Variants in DYM observed in about 807,000 individuals in gnomAD.
The protein encoded by DYM is dyggve-Melchior-Clausen syndrome protein.
DYM carries 78 observed loss-of-function variants against 93.1 expected under a neutral mutation model. The observed-to-expected ratio is 0.84, with a 90% CI of 0.70 to 1.01. The LOEUF (loss-of-function observed/expected upper bound fraction) is 1.01, where lower values mean the gene tolerates loss of function less well. Among genes scored for constraint, DYM ranks in the 50% least tolerant of loss-of-function variants. The pLI is 0.00. For synonymous variants in DYM, 321 were observed against 319.7 expected, an observed-to-expected ratio of 1.00 and a Z score of -0.04; for missense variants, 789 against 845.0, an observed-to-expected ratio of 0.93 and a Z score of 0.82.
At chr18:49,349,746 A>G (rs375841685) in intron 6 of DYM, among the ~76,000 whole-genome samples, 1 of 152,202 alleles carries the variant, frequency 6.6e-6, no homozygotes, top group African/African-American at 2.4e-5. Context: ...GCTTGAGGCC[A>G]GAAGTTTGAG....
Position 49,046,518 on chromosome 18 carries a change from G to GAC in DYM, c.2026-2316_2026-2315dup, listed in dbSNP as rs201989423. ...AGACATACACAGACATGCACATACA[G>GAC]ACACACACACACCAGACACACAGAC... is the stretch of plus-strand genomic sequence containing the variant. On this transcript the variant is annotated intron_variant, in intron 17 of 17. Coordinates refer to ENST00000675505, the MANE Select transcript of DYM (RefSeq NM_001353214.3). 6.7e-3 allele frequency among the ~76,000 whole-genome samples: 978 copies of GAC among 146,920 alleles called. 10 individuals are homozygous for GAC. Among genetic ancestry groups the GAC allele is most frequent in the African/African-American group, 0.023 (914 of 39,710 alleles).
At chr18:49,180,561 C>A (rs932119583) in intron 14 of DYM, among the ~76,000 whole-genome samples, 1 of 152,090 alleles carries the variant, frequency 6.6e-6, no homozygotes, top group Non-Finnish European at 1.5e-5. Flanking sequence ...TTTAACCTTG[C>A]ACAATTTAAC....
At chr18:49,202,946 G>T (rs1267031591) in intron 14 of DYM, among the ~76,000 whole-genome samples, 1 of 131,892 alleles carries the variant, frequency 7.6e-6, no homozygotes, top group Non-Finnish European at 1.6e-5. Flanking sequence ...CCATCCGGGA[G>T]GGAGGTGAGG....
chr18:49,433,521 A>G (rs546196480), intron 1 of DYM, among the ~76,000 whole-genome samples: 2 of 152,198 alleles, frequency 1.3e-5, no homozygotes, highest in Non-Finnish European at 2.9e-5. Flanking sequence ...CATAATAGGT[A>G]GTGCTCAATA....
intron 6 of DYM, among the ~76,000 whole-genome samples, chr18:49,355,841 G>A (rs913627602): frequency 1.3e-5 from 2 of 152,012 alleles, no homozygotes; most frequent in East Asian, 3.9e-4. Context: ...CAAAATAATG[G>A]TATATTATTT....
At chr18:49,327,729 G>A (rs1346189862) in intron 8 of DYM, among the ~76,000 whole-genome samples, 3 of 152,204 alleles carry the variant, frequency 2.0e-5, no homozygotes, top group Non-Finnish European at 4.4e-5. Flanking sequence ...AATGAAATCA[G>A]GTATGTAAAG....
intron 8 of DYM, among the ~76,000 whole-genome samples, chr18:49,289,764 T>C (rs1279605320): frequency 4.7e-4 from 23 of 48,446 alleles, no homozygotes; most frequent in Admixed American, 2.1e-3. Context: ...TATATATATA[T>C]ATATATATAC....
intron 15 of DYM, among the ~76,000 whole-genome samples, chr18:49,129,709 C>T (rs1426686872): frequency 6.6e-6 from 1 of 152,166 alleles, no homozygotes; most frequent in Non-Finnish European, 1.5e-5. Flanking sequence ...GAAGAGGGCC[C>T]CTCTACCACT....
At chr18:49,392,654 T>TC (rs1289870416) in intron 2 of DYM, among the ~76,000 whole-genome samples, 16 of 113,992 alleles carry the variant, frequency 1.4e-4, no homozygotes, top group African/African-American at 5.5e-4. Context: ...GAGATACTAC[T>TC]CCACACCCAT....
rs1225405649 is a variant in DYM, at chr18:49,333,860, T to C, written c.495-7A>G. ...TATTTCATATGTAATATCTCTAAAA[T>C]GGAAGAAAAACAGAGTAACAGTCAC... On this transcript the variant is annotated splice_region_variant and splice_polypyrimidine_tract_variant and intron_variant, in intron 6 of 17. Transcript: ENST00000675505. The C allele has an allele frequency of 1.9e-6, 3 of 1,605,662 alleles. No individual in the cohort carries two copies. Among genetic ancestry groups the C allele is most frequent in the South Asian group, 2.2e-5 (2 of 90,786 alleles).
chr18:49,408,452 G>A (rs955975606), intron 2 of DYM, among the ~76,000 whole-genome samples: 8 of 152,150 alleles, frequency 5.3e-5, no homozygotes, highest in Non-Finnish European at 1.2e-4. Context: ...AAGTGCAATT[G>A]CTAGGTCAAT....
chr18:49,172,257 G>A (rs575410039), intron 14 of DYM, among the ~76,000 whole-genome samples: 29 of 152,102 alleles, frequency 1.9e-4, no homozygotes, highest in African/African-American at 5.8e-4. Context: ...GACGTGCCTC[G>A]ATTTCTTTAT....
At chr18:49,211,764 C>A (rs1026701905) in intron 13 of DYM, among the ~76,000 whole-genome samples, 1 of 152,018 alleles carries the variant, frequency 6.6e-6, no homozygotes, top group Non-Finnish European at 1.5e-5. Flanking sequence ...GATTATTAGA[C>A]AAAACAAAAT....
At chr18:49,340,979 C>A (rs778272430) in intron 6 of DYM, among the ~76,000 whole-genome samples, 1 of 152,204 alleles carries the variant, frequency 6.6e-6, no homozygotes, top group Non-Finnish European at 1.5e-5. Flanking sequence ...GCCATATATA[C>A]AGTCAACACT....
intron 14 of DYM, among the ~76,000 whole-genome samples, chr18:49,209,023 T>G (rs1202444742): frequency 1.3e-5 from 2 of 152,228 alleles, no homozygotes; most frequent in Non-Finnish European, 2.9e-5. Flanking sequence ...CTGCTGATTT[T>G]ATATGATTTT....
At chr18:49,178,547 T>A (rs2145421847) in intron 14 of DYM, among the ~76,000 whole-genome samples, 1 of 152,242 alleles carries the variant, frequency 6.6e-6, no homozygotes, top group Admixed American at 6.5e-5. Context: ...ACTGCACAAT[T>A]CCCAAGAATG....
chr18:49,080,695 A>C, intron 17 of DYM, among the ~76,000 whole-genome samples: 1 of 132,568 alleles, frequency 7.5e-6, no homozygotes. Flanking sequence ...GACGCTCCTC[A>C]CTTCCCAGAC....
rs141727596 is a variant in DYM, at chr18:49,273,378, T to C, written c.1126-1075A>G. On this transcript the variant is annotated intron_variant, in intron 10 of 17. Transcript: ENST00000675505. Reference sequence around the variant, plus strand: ...ACATTTTGTCAAACATAATACATTGTACTCACATTCCACATTACCTAGTAA... The same window carrying C: ...ACATTTTGTCAAACATAATACATTGCACTCACATTCCACATTACCTAGTAA... 4.0e-3 allele frequency among the ~76,000 whole-genome samples: 613 copies of C among 152,320 alleles called. 2 individuals are homozygous for C. Among genetic ancestry groups the C allele is most frequent in the Non-Finnish European group, 6.3e-3 (426 of 68,018 alleles).
At position 49,070,218 on chromosome 18, in the gene DYM, G is replaced by C. The variant is rs577954838; in HGVS notation, c.2026-26014C>G. 2.6e-5 allele frequency among the ~76,000 whole-genome samples: 4 copies of C among 152,204 alleles called. 1 individual carries two copies. In the South Asian group the frequency reaches 8.3e-4, roughly 31 times the overall value. ...GGAAAAGTGAGGTTGATAGATATGT[G>C]AGAAACTAACATTGGCTAACAGTTA... On this transcript the variant is annotated intron_variant, in intron 17 of 17. Transcript: ENST00000675505.
Sources: gnomAD v4.1 joint callset for allele counts (sites outside exome capture counted in the v4.1 genomes callset) on GRCh38, gnomAD v4.1.1 for gene constraint, MANE v1.5 for transcripts, NCBI Gene and HGNC (gene_info 2026-07-23, HGNC 2026-07-21) for gene names.